Variants in UGGT1 observed in about 807,000 individuals in gnomAD.
UGGT1 encodes UDP-glucose:glycoprotein glucosyltransferase 1.
UGGT1 carries 107 observed loss-of-function variants against 203.9 expected under a neutral mutation model. The ratio of observed to expected loss-of-function variants is 0.52; its 90% CI spans 0.45 to 0.62. UGGT1 has a LOEUF of 0.62. Ranked by LOEUF, UGGT1 falls within the 20% of genes least tolerant of loss-of-function variation. UGGT1 has a pLI of 0.00. For synonymous variants in UGGT1, 628 were observed against 653.5 expected, an observed-to-expected ratio of 0.96 and a Z score of 0.59; for missense variants, 1,673 against 1,867.2, an observed-to-expected ratio of 0.90 and a Z score of 1.92.
chr2:128,124,953 G>A (rs1181800025), intron 11 of UGGT1, among the ~76,000 whole-genome samples: 1 of 152,130 alleles, frequency 6.6e-6, no homozygotes, highest in African/African-American at 2.4e-5. Flanking sequence ...GGACCTGGTT[G>A]GAAGTCCTAA....
At chr2:128,137,649 C>T (rs183225815) in intron 15 of UGGT1, among the ~76,000 whole-genome samples, 155 of 152,340 alleles carry the variant, frequency 1.0e-3, no homozygotes, top group Non-Finnish European at 1.5e-3. Flanking sequence ...ATTTTCTTCT[C>T]TGCTATCGTC....
chr2:128,149,181 A>G (rs562506428), intron 18 of UGGT1, among the ~76,000 whole-genome samples: 1 of 152,128 alleles, frequency 6.6e-6, no homozygotes, highest in South Asian at 2.1e-4. Context: ...AGCTGGGACC[A>G]TAGGTGTATG....
At chr2:128,181,547 A>G (rs1035835126) in intron 36 of UGGT1, among the ~76,000 whole-genome samples, 18 of 152,348 alleles carry the variant, frequency 1.2e-4, no homozygotes, top group East Asian at 5.8e-4. Context: ...CTCAAACAGC[A>G]TAAGTGTACG....
Position 128,182,286 on chromosome 2 carries a change from A to G in UGGT1, c.4240A>G (p.Ile1414Val). Residue 1414 changes from isoleucine to valine, a missense_variant, in exon 37 of 41, where the codon ATC (isoleucine) becomes GTC (valine). This residue lies in a region of UGGT1 where 513 missense variants were observed against 684.1 expected (regional missense o/e 0.75). Coordinates refer to ENST00000259253, the MANE Select transcript of UGGT1 (RefSeq NM_020120.4). Reference protein sequence around the residue: ...ASHLAGRKYHISALYVVDLKK... With the variant: ...ASHLAGRKYHVSALYVVDLKK... ...TCATTTAGCCGGGCGAAAGTATCATATCAGGTACTGAAAAGAAGCACTCCT... is the reference window on the plus strand; with the variant it reads ...TCATTTAGCCGGGCGAAAGTATCATGTCAGGTACTGAAAAGAAGCACTCCT... The G allele has an allele frequency of 6.2e-7, 1 of 1,611,832 alleles. No homozygotes were observed. Among genetic ancestry groups the G allele is most frequent in the Non-Finnish European group, 8.5e-7 (1 of 1,179,246 alleles).
chr2:128,098,673 C>T (rs1221373642), intron 2 of UGGT1, among the ~76,000 whole-genome samples: 3 of 150,246 alleles, frequency 2.0e-5, no homozygotes. Flanking sequence ...CACTTGAGCC[C>T]AGGAGGCGGA....
intron 30 of UGGT1, 88 bp downstream of exon 30, chr2:128,174,027 C>G: frequency 2.1e-6 from 3 of 1,456,140 alleles, no homozygotes; most frequent in Admixed American, 4.0e-5. Flanking sequence ...CATTCTTAAC[C>G]ATAGAGTGAG....
At chr2:128,141,911 GTTT>G (rs2105453352) in intron 16 of UGGT1, among the ~76,000 whole-genome samples, 1 of 151,986 alleles carries the variant, frequency 6.6e-6, no homozygotes, top group East Asian at 1.9e-4. Flanking sequence ...CGTGGATGTA[GTTT>G]TTATTTCAAG....
At chr2:128,186,001 G>T (rs1463532236) in intron 38 of UGGT1, among the ~76,000 whole-genome samples, 1 of 152,302 alleles carries the variant, frequency 6.6e-6, no homozygotes, top group East Asian at 1.9e-4. Flanking sequence ...GGTAGATTCA[G>T]AACTTCCTTG....
chr2:128,177,806 G>C, intron 32 of UGGT1, 26 bp from the exon 33 acceptor site: 3 of 1,577,414 alleles, frequency 1.9e-6, no homozygotes, highest in Non-Finnish European at 2.6e-6. Flanking sequence ...CATACTGGGA[G>C]TAAGGTTTAT....
At chr2:128,164,871 T>G in intron 26 of UGGT1, 46 bp downstream of exon 26, 1 of 1,431,124 alleles carries the variant, frequency 7.0e-7, no homozygotes, top group Non-Finnish European at 9.5e-7. Context: ...AATATTAAAC[T>G]CTTATGTTTG....
intron 12 of UGGT1, among the ~76,000 whole-genome samples, chr2:128,128,527 T>C (rs1190733025): frequency 6.6e-6 from 1 of 152,158 alleles, no homozygotes; most frequent in Non-Finnish European, 1.5e-5. Context: ...TTGGCCAGGC[T>C]GGTCTCGAAC....
chr2:128,112,941 A>AAT, intron 5 of UGGT1, 143 bp from the exon 6 acceptor site: 2 of 716,240 alleles, frequency 2.8e-6, no homozygotes, highest in East Asian at 6.4e-5. Flanking sequence ...AGTAAGTGAA[A>AAT]AATATTTAAG....
intron 21 of UGGT1, among the ~76,000 whole-genome samples, chr2:128,156,935 A>G (rs1222216149): frequency 6.6e-6 from 1 of 152,218 alleles, no homozygotes; most frequent in East Asian, 1.9e-4. Context: ...AATTAGTATG[A>G]TTAAAAATGA....
intron 25 of UGGT1, among the ~76,000 whole-genome samples, chr2:128,163,370 AGT>A (rs1383077129): frequency 8.4e-4 from 108 of 127,836 alleles, no homozygotes; most frequent in African/African-American, 2.9e-3. Context: ...AGCAAATTGG[AGT>A]GTTTTTTTTT....
chr2:128,163,914 C>T (rs1690654546), intron 25 of UGGT1, among the ~76,000 whole-genome samples: 1 of 152,136 alleles, frequency 6.6e-6, no homozygotes, highest in Non-Finnish European at 1.5e-5. Context: ...CACGGTGGCT[C>T]ACACCTGTAA....
chr2:128,116,366 G>A, intron 8 of UGGT1, 23 bp downstream of exon 8: 1 of 1,482,186 alleles, frequency 6.7e-7, no homozygotes, highest in Non-Finnish European at 9.4e-7. Flanking sequence ...TGTGTATTTT[G>A]GGAAACGCCC....
At chr2:128,182,363 GA>G in intron 37 of UGGT1, 73 bp downstream of exon 37, 1 of 1,507,788 alleles carries the variant, frequency 6.6e-7, no homozygotes, top group East Asian at 2.3e-5. Flanking sequence ...TTAAAATTGT[GA>G]ATAGGTAATA....
chr2:128,113,567 A>C (rs888858527), intron 6 of UGGT1, among the ~76,000 whole-genome samples: 2 of 152,180 alleles, frequency 1.3e-5, no homozygotes, highest in Admixed American at 6.5e-5. Flanking sequence ...TGTTGAATTC[A>C]GTTTCCTTTC....
chr2:128,179,711 G>T (rs987656702), intron 34 of UGGT1, 75 bp from the exon 35 acceptor site: 1 of 1,283,620 alleles, frequency 7.8e-7, no homozygotes, highest in Non-Finnish European at 1.1e-6. Context: ...TAGGTGTCTC[G>T]TGATTGACTC....
Sources: gnomAD v4.1 joint callset for allele counts (sites outside exome capture counted in the v4.1 genomes callset) on GRCh38, gnomAD v4.1.1 for gene constraint, gnomAD v4.1.1 regional missense constraint, MANE v1.5 for transcripts, NCBI Gene and HGNC (gene_info 2026-07-23, HGNC 2026-07-21) for gene names.